The following PDK3 variants were observed in gnomAD, a reference collection of about 807,000 sequenced individuals.
PDK3 encodes pyruvate dehydrogenase kinase, isozyme 3.
PDK3 carries 12 observed loss-of-function variants against 32.0 expected under a neutral mutation model. The ratio of observed to expected loss-of-function variants is 0.37; its 90% confidence interval spans 0.24 to 0.61. The LOEUF (loss-of-function observed/expected upper bound fraction) is 0.61. PDK3 is among the 20% of genes least tolerant of loss of function. PDK3 has a pLI of 0.65. For synonymous variants in PDK3, 122 were observed against 116.3 expected, an observed-to-expected ratio of 1.05 and a Z score of -0.31; for missense variants, 188 against 316.9, an observed-to-expected ratio of 0.59 and a Z score of 3.09.
Position 24,470,028 on chromosome X carries a change from A to T in PDK3, c.106+4467A>T, listed in dbSNP as rs147177188. Among the ~76,000 whole-genome samples, 40 of 111,675 alleles carry T rather than the reference A, an allele frequency of 3.6e-4. No individual in the cohort carries two copies. The East Asian group carries it at 0.01, about 28-fold the overall frequency. ...TGTGCATTAGATCTCTAGACCTTAA[A>T]CATTTACAGAAGTAGAGAGAATAGA... On this transcript the variant is annotated intron_variant, in intron 1 of 10. Transcript: ENST00000379162.
chrX:24,466,831 G>T (rs1160063153), intron 1 of PDK3, among the ~76,000 whole-genome samples: 2 of 111,905 alleles, frequency 1.8e-5, no homozygotes, highest in African/African-American at 6.5e-5. Flanking sequence ...GAGGTTTGAG[G>T]CAGTTTCTGA....
chrX:24,515,047 A>G (rs1002060108), intron 5 of PDK3, among the ~76,000 whole-genome samples: 10 of 112,242 alleles, frequency 8.9e-5, no homozygotes, highest in Non-Finnish European at 3.8e-5. Flanking sequence ...GGGTCAGAGG[A>G]TCGTTCCATT....
At chrX:24,484,334 A>G (rs1452647217) in intron 1 of PDK3, among the ~76,000 whole-genome samples, 1 of 112,592 alleles carries the variant, frequency 8.9e-6, no homozygotes, top group Non-Finnish European at 1.9e-5. Context: ...AATACCTACA[A>G]TGTACCAGGT....
chrX:24,509,330 T>C (rs996352634), intron 5 of PDK3, among the ~76,000 whole-genome samples: 2 of 111,020 alleles, frequency 1.8e-5, no homozygotes, highest in Admixed American at 1.9e-4. Context: ...TTAACTATAT[T>C]ATACCCATTA....
At chrX:24,493,617 G>A (rs1251892325) in intron 1 of PDK3, among the ~76,000 whole-genome samples, 1 of 111,769 alleles carries the variant, frequency 8.9e-6, no homozygotes, top group Admixed American at 9.5e-5. Flanking sequence ...CGAGGGAGAT[G>A]GGATGGACCC....
chrX:24,527,529 T>C, intron 7 of PDK3, 45 bp from the exon 8 acceptor site: 1 of 796,184 alleles, frequency 1.3e-6, no homozygotes, highest in Non-Finnish European at 1.8e-6. Flanking sequence ...AAATTGTGGT[T>C]TGTGATTCGG....
Position 24,496,568 on chromosome X carries a change from C to CTTTTTTTTTTTT in PDK3, c.248+1697_248+1708dup, listed in dbSNP as rs763095558. Reference sequence around the variant, plus strand: ...CTAATTGTCCTGATACTACCCCCATCTTTTTTTTTTTTTTTTTTTTTTTGC... The same window carrying CTTTTTTTTTTTT: ...CTAATTGTCCTGATACTACCCCCATCTTTTTTTTTTTTTTTTTTTTTTTTTTTTTTTTTTTGC... On this transcript the variant is annotated intron_variant, in intron 2 of 10. Transcript: ENST00000379162. 3.6e-4 allele frequency among the ~76,000 whole-genome samples: 14 copies of CTTTTTTTTTTTT among 39,326 alleles called. 1 individual carries two copies. Among genetic ancestry groups the CTTTTTTTTTTTT allele is most frequent in the African/African-American group, 1.2e-3 (11 of 9,000 alleles). The allele number at this position is 39,326 out of a possible 115,157, so 34.1% of individuals were successfully genotyped here. A position where few individuals can be genotyped will look rare whatever the true frequency, so the allele number is the denominator to read the frequency against.
chrX:24,541,667 G>A (rs1268453196), exon 12 of PDK3, among the ~76,000 whole-genome samples: 1 of 112,545 alleles, frequency 8.9e-6, no homozygotes, highest in Non-Finnish European at 1.9e-5. Context: ...GAACATCTGT[G>A]TTCTTCTGGC....
intron 5 of PDK3, among the ~76,000 whole-genome samples, chrX:24,517,008 C>G (rs898734356): frequency 5.5e-5 from 6 of 109,237 alleles, no homozygotes; most frequent in African/African-American, 2.0e-4. Context: ...GTTGGCTAGG[C>G]TGGTCTTGAA....
intron 1 of PDK3, among the ~76,000 whole-genome samples, chrX:24,481,253 G>A: frequency 9.0e-6 from 1 of 110,753 alleles, no homozygotes; most frequent in Non-Finnish European, 1.9e-5. Context: ...CCGTGGTCTC[G>A]ATCTCCTGAC....
At chrX:24,487,799 C>T (rs1374406202) in intron 1 of PDK3, among the ~76,000 whole-genome samples, 1 of 109,743 alleles carries the variant, frequency 9.1e-6, no homozygotes, top group Non-Finnish European at 1.9e-5. Context: ...CAAAGAAAGC[C>T]TTCAAGTAAT....
downstream of PDK3, among the ~76,000 whole-genome samples, chrX:24,535,271 G>A (rs1203563030): frequency 1.8e-5 from 2 of 111,838 alleles, no homozygotes; most frequent in African/African-American, 3.3e-5. Flanking sequence ...TTGAGAGGCC[G>A]AGGTGGGTGG....
At chrX:24,491,935 C>T (rs1921573681) in intron 1 of PDK3, among the ~76,000 whole-genome samples, 1 of 110,704 alleles carries the variant, frequency 9.0e-6, no homozygotes, top group African/African-American at 3.3e-5. Flanking sequence ...GACCCTGTCT[C>T]CAAAAGCAAA....
rs768817269 is a variant in PDK3 at position 24,529,316 on chromosome X, T to G, written c.963+1130T>G. On this transcript the variant is annotated intron_variant, in intron 9 of 10. Transcript: ENST00000379162. ...TTGAAACTGAGGGCTTGTAAGAGAC[T>G]TTTAACAGTTAACGCATGCGCACTC... Among the ~76,000 whole-genome samples, 4 of 111,995 alleles carry G rather than the reference T, an allele frequency of 3.6e-5. No individual in the cohort carries two copies. In the South Asian group the frequency reaches 1.5e-3, roughly 42 times the overall value.
chrX:24,476,276 A>G (rs928531383), intron 1 of PDK3, among the ~76,000 whole-genome samples: 6 of 111,605 alleles, frequency 5.4e-5, no homozygotes, highest in African/African-American at 2.0e-4. Flanking sequence ...AACCTCAGAT[A>G]GAAAATATTC....
intron 1 of PDK3, among the ~76,000 whole-genome samples, chrX:24,487,679 G>T (rs1414649183): frequency 9.1e-6 from 1 of 109,839 alleles, no homozygotes; most frequent in Non-Finnish European, 1.9e-5. Context: ...ATTCTGTTGG[G>T]GTTTTTTGGT....
At chrX:24,490,197 C>T (rs774163040) in intron 1 of PDK3, among the ~76,000 whole-genome samples, 7 of 111,859 alleles carry the variant, frequency 6.3e-5, no homozygotes, top group African/African-American at 2.3e-4. Flanking sequence ...AGGCTGGTCT[C>T]GAACTCCTGG....
intron 5 of PDK3, chrX:24,513,834 A>G (rs746913357): frequency 1.2e-4 from 13 of 111,873 alleles, no homozygotes; most frequent in African/African-American, 4.2e-4. Context: ...GATTGTTTTT[A>G]TTAAAAAATA....
intron 1 of PDK3, among the ~76,000 whole-genome samples, chrX:24,478,863 G>A (rs1401526277): frequency 8.9e-6 from 1 of 112,015 alleles, no homozygotes; most frequent in Non-Finnish European, 1.9e-5. Context: ...TTGTACCAGT[G>A]TTGCTTTCTC....
Sources: gnomAD v4.1 joint callset for allele counts (sites outside exome capture counted in the v4.1 genomes callset) on GRCh38, gnomAD v4.1.1 for gene constraint, MANE v1.5 for transcripts, NCBI Gene and HGNC (gene_info 2026-07-23, HGNC 2026-07-21) for gene names.